CIMAP2: variants seen among roughly 807,000 people sequenced by gnomAD.
The protein encoded by CIMAP2 is ciliary microtubule associated protein 2.
chr1:54,832,543 C>A, the CIMAP2 span, among the ~76,000 whole-genome samples: 1 of 152,122 alleles, frequency 6.6e-6, no homozygotes, highest in South Asian at 2.1e-4. Flanking sequence ...ACTATTTAGA[C>A]ATTAATTACA....
the CIMAP2 span, among the ~76,000 whole-genome samples, chr1:54,834,646 T>C: frequency 6.6e-6 from 1 of 152,200 alleles, no homozygotes; most frequent in African/African-American, 2.4e-5. Flanking sequence ...TATAATGAGG[T>C]ATCTTAGGGA....
chr1:54,826,004 C>G, the CIMAP2 span, among the ~76,000 whole-genome samples: 4 of 152,284 alleles, frequency 2.6e-5, no homozygotes, highest in East Asian at 7.7e-4. Flanking sequence ...ACAACATGCA[C>G]AAGCCCTGGT....
chr1:54,811,936 C>T, the CIMAP2 span: 2 of 1,614,038 alleles, frequency 1.2e-6, no homozygotes, highest in Non-Finnish European at 1.7e-6. Flanking sequence ...CATCAGGTAC[C>T]CCCTCGGCTG....
chr1:54,816,276 G>A, the CIMAP2 span, among the ~76,000 whole-genome samples: 1 of 152,196 alleles, frequency 6.6e-6, no homozygotes, highest in Admixed American at 6.5e-5. Flanking sequence ...GTTTAGCATG[G>A]GACCAGCTTC....
At chr1:54,808,834 A>C in the CIMAP2 span, among the ~76,000 whole-genome samples, 1 of 152,026 alleles carries the variant, frequency 6.6e-6, no homozygotes, top group Non-Finnish European at 1.5e-5. Flanking sequence ...GGGAGCCAGC[A>C]CAGCAGTTTG....
At chr1:54,820,112 C>CTCTT in the CIMAP2 span, among the ~76,000 whole-genome samples, 173 of 8,346 alleles carry the variant, frequency 0.021, 1 homozygote, top group African/African-American at 0.031. Flanking sequence ...TTCTCTCTCT[C>CTCTT]TCTTTCTTTC....
At chr1:54,820,771 TTTTG>T in the CIMAP2 span, among the ~76,000 whole-genome samples, 8,954 of 152,150 alleles carry the variant, frequency 0.059, 348 homozygotes, top group Non-Finnish European at 0.087. Flanking sequence ...TGCCCACTTT[TTTTG>T]TTTGTTTGTT....
chr1:54,821,426 A>T, the CIMAP2 span, among the ~76,000 whole-genome samples: 1 of 152,152 alleles, frequency 6.6e-6, no homozygotes, highest in Admixed American at 6.5e-5. Flanking sequence ...GTCTAGTTTC[A>T]TTCTTATGGA....
chr1:54,828,521 G>A, the CIMAP2 span, among the ~76,000 whole-genome samples: 2 of 152,008 alleles, frequency 1.3e-5, no homozygotes, highest in African/African-American at 2.4e-5. Context: ...GGAGAGAGAC[G>A]GGGTGCCACT....
chr1:54,841,706 C>A, the CIMAP2 span: 7 of 1,591,896 alleles, frequency 4.4e-6, no homozygotes, highest in Non-Finnish European at 5.2e-6. Context: ...CCAACAGGTA[C>A]CTGTTCATTC....
chr1:54,834,163 C>T, the CIMAP2 span, among the ~76,000 whole-genome samples: 4 of 152,258 alleles, frequency 2.6e-5, no homozygotes, highest in South Asian at 8.3e-4. Context: ...AAACATCTTC[C>T]CCACAGTTTT....
chr1:54,839,108 G>A, the CIMAP2 span, among the ~76,000 whole-genome samples: 1 of 135,392 alleles, frequency 7.4e-6, no homozygotes, highest in Admixed American at 7.8e-5. Context: ...TTTCCTCAAG[G>A]GTTTTCTTCT....
the CIMAP2 span, chr1:54,807,764 C>T: frequency 1.3e-6 from 2 of 1,515,284 alleles, no homozygotes; most frequent in Non-Finnish European, 1.8e-6. Context: ...CTCTGTGTGG[C>T]CTTCAGTGTC....
chr1:54,839,522 C>G, the CIMAP2 span, among the ~76,000 whole-genome samples: 3 of 151,982 alleles, frequency 2.0e-5, no homozygotes, highest in African/African-American at 7.3e-5. Flanking sequence ...GGATTACAGG[C>G]ACCTGCCACC....
chr1:54,807,838 G>A, the CIMAP2 span: 17 of 1,531,598 alleles, frequency 1.1e-5, no homozygotes, highest in South Asian at 3.9e-5. Flanking sequence ...TTCTTCCTGC[G>A]TGGATTTTCC....
chr1:54,838,136 A>G, the CIMAP2 span, among the ~76,000 whole-genome samples: 2 of 151,982 alleles, frequency 1.3e-5, 1 homozygote, highest in Non-Finnish European at 2.9e-5. Context: ...GAAAGGGGTA[A>G]CAACTGTTAA....
the CIMAP2 span, chr1:54,811,765 G>GCCGGGGGGGGGGGGCGGCCCCCCCCCCC: frequency 7.7e-7 from 1 of 1,301,328 alleles, no homozygotes; most frequent in Non-Finnish European, 1.1e-6. Flanking sequence ...GGTTCTGACA[G>GCCGGGGGGGGGGGGCGGCCCCCCCCCCC]CCTCCATGCC....
chr1:54,811,773 G>GACCCCC, the CIMAP2 span: 2 of 1,325,046 alleles, frequency 1.5e-6, no homozygotes, highest in South Asian at 1.3e-5. Flanking sequence ...CAGCCTCCAT[G>GACCCCC]CCCCCACCCC....
the CIMAP2 span, among the ~76,000 whole-genome samples, chr1:54,816,731 A>G: frequency 2.0e-5 from 3 of 152,196 alleles, no homozygotes; most frequent in Admixed American, 1.3e-4. Context: ...GACACCAGTC[A>G]CATTGGAAGA....
Sources: gnomAD v4.1 joint callset for allele counts (sites outside exome capture counted in the v4.1 genomes callset) on GRCh38, gnomAD v4.1.1 for gene constraint, MANE v1.5 for transcripts, NCBI Gene and HGNC (gene_info 2026-07-23, HGNC 2026-07-21) for gene names.